The following SGIP1 variants were observed in gnomAD, a reference collection of about 807,000 sequenced individuals.
SGIP1 encodes SH3GL interacting endocytic adaptor 1.
In SGIP1, 38 loss-of-function variants were observed where a neutral mutation model predicts 107.5. The ratio of observed to expected loss-of-function variants is 0.35; its 90% CI spans 0.27 to 0.46. The LOEUF (loss-of-function observed/expected upper bound fraction) is 0.46, where lower values mean the gene tolerates loss of function less well. Among genes scored for constraint, SGIP1 ranks in the 20% least tolerant of loss-of-function variants. The probability of loss-of-function intolerance (pLI) is 1.00; values close to 1 mark genes in which losing one functional copy is unlikely to be tolerated. For synonymous variants in SGIP1, 365 were observed against 366.1 expected (o/e 1.00, Z 0.03); for missense variants, 929 against 1,019.5 (o/e 0.91, Z 1.21).
At chr1:66,653,958 G>A (rs904110767) in intron 7 of SGIP1, among the ~76,000 whole-genome samples, 1 of 152,164 alleles carries the variant, frequency 6.6e-6, no homozygotes, top group African/African-American at 2.4e-5. Flanking sequence ...ACAGTTTACT[G>A]AATGTTGGGT....
intron 18 of SGIP1, among the ~76,000 whole-genome samples, chr1:66,709,866 G>A (rs1049337384): frequency 6.6e-6 from 1 of 152,022 alleles, no homozygotes; most frequent in Non-Finnish European, 1.5e-5. Context: ...AGTTCTCATC[G>A]TAGCATTATT....
intron 8 of SGIP1, 88 bp from the exon 9 acceptor site, chr1:66,667,442 T>C: frequency 8.1e-7 from 1 of 1,241,860 alleles, no homozygotes; most frequent in Non-Finnish European, 1.2e-6. Context: ...GTTAGCTGCT[T>C]ATAAAGTCTT....
At chr1:66,649,167 C>G (rs2078235634) in intron 7 of SGIP1, among the ~76,000 whole-genome samples, 1 of 152,154 alleles carries the variant, frequency 6.6e-6, no homozygotes, top group South Asian at 2.1e-4. Context: ...TCTGTTAAAG[C>G]AGCTTGGAAT....
chr1:66,675,767 C>T (rs538333573), intron 12 of SGIP1, among the ~76,000 whole-genome samples: 1 of 151,880 alleles, frequency 6.6e-6, no homozygotes, highest in East Asian at 1.9e-4. Context: ...CTCCTGGACT[C>T]ATGTAATCCT....
At chr1:66,594,881 G>T (rs1002026433) in intron 1 of SGIP1, among the ~76,000 whole-genome samples, 8 of 152,106 alleles carry the variant, frequency 5.3e-5, no homozygotes, top group Non-Finnish European at 1.0e-4. Flanking sequence ...CACTCTGCTT[G>T]TCACTTTCTA....
intron 18 of SGIP1, among the ~76,000 whole-genome samples, chr1:66,702,192 C>G (rs1380086463): frequency 2.0e-5 from 3 of 152,166 alleles, no homozygotes; most frequent in Non-Finnish European, 4.4e-5. Context: ...TAAACAAAGG[C>G]TCTGAGCATT....
chr1:66,598,677 G>A (rs561859047), intron 1 of SGIP1, among the ~76,000 whole-genome samples: 21 of 152,258 alleles, frequency 1.4e-4, no homozygotes, highest in South Asian at 6.2e-4. Context: ...GAAAGGTGGC[G>A]CAGAGGTGCC....
chr1:66,690,100 C>T (rs2089491011), intron 16 of SGIP1, 90 bp from the exon 17 acceptor site: 1 of 1,461,314 alleles, frequency 6.8e-7, no homozygotes, highest in South Asian at 1.3e-5. Flanking sequence ...CCTAAGTTGT[C>T]ATATCTGGGG....
At chr1:66,730,376 CA>C (rs1237665031) in intron 20 of SGIP1, among the ~76,000 whole-genome samples, 1 of 152,086 alleles carries the variant, frequency 6.6e-6, no homozygotes, top group African/African-American at 2.4e-5. Flanking sequence ...TTAAAATGAT[CA>C]ATTATACAAG....
At chr1:66,647,065 T>TTG (rs1180672975) in intron 7 of SGIP1, among the ~76,000 whole-genome samples, 1 of 152,186 alleles carries the variant, frequency 6.6e-6, no homozygotes, top group Non-Finnish European at 1.5e-5. Context: ...GTTAAGCTGT[T>TTG]TTAACAGAGA....
chr1:66,649,486 T>C (rs2078303323), intron 7 of SGIP1, among the ~76,000 whole-genome samples: 1 of 152,150 alleles, frequency 6.6e-6, no homozygotes, highest in Admixed American at 6.6e-5. Flanking sequence ...GCCATGGTCA[T>C]CTCTTTCTGC....
chr1:66,549,356 C>T (rs2057043491), intron 1 of SGIP1, among the ~76,000 whole-genome samples: 2 of 152,114 alleles, frequency 1.3e-5, no homozygotes. Flanking sequence ...ATGAAACAGA[C>T]ATTGTGAAGC....
chr1:66,709,093 A>G (rs918128003), intron 18 of SGIP1, among the ~76,000 whole-genome samples: 2 of 152,124 alleles, frequency 1.3e-5, no homozygotes, highest in Non-Finnish European at 2.9e-5. Context: ...CATGTTTGTT[A>G]CATAGGTATA....
intron 12 of SGIP1, among the ~76,000 whole-genome samples, chr1:66,675,947 A>G (rs1037625118): frequency 6.6e-6 from 1 of 152,220 alleles, no homozygotes; most frequent in Non-Finnish European, 1.5e-5. Context: ...TGGACACCTC[A>G]TTAAACCACT....
intron 1 of SGIP1, among the ~76,000 whole-genome samples, chr1:66,548,680 G>T (rs932321869): frequency 1.3e-5 from 2 of 152,152 alleles, no homozygotes; most frequent in South Asian, 2.1e-4. Flanking sequence ...AGATCAGAAA[G>T]ATAGAAATAC....
chr1:66,540,373 C>CAGTA (rs1350236213), intron 1 of SGIP1, among the ~76,000 whole-genome samples: 6 of 152,166 alleles, frequency 3.9e-5, no homozygotes, highest in Non-Finnish European at 7.4e-5. Context: ...TCAGTTTTGT[C>CAGTA]AGTATGCTGG....
chr1:66,555,183 A>G (rs1465074674), intron 1 of SGIP1, among the ~76,000 whole-genome samples: 3 of 152,024 alleles, frequency 2.0e-5, no homozygotes, highest in African/African-American at 7.2e-5. Flanking sequence ...CCCAGGCTCT[A>G]CCCAACTTCC....
intron 19 of SGIP1, among the ~76,000 whole-genome samples, chr1:66,724,766 T>A (rs2093683366): frequency 1.3e-5 from 2 of 152,148 alleles, no homozygotes; most frequent in Admixed American, 1.3e-4. Context: ...AACAGAAACT[T>A]TATCTCCTAC....
intron 1 of SGIP1, among the ~76,000 whole-genome samples, chr1:66,572,035 A>G (rs994609570): frequency 1.3e-5 from 2 of 152,034 alleles, no homozygotes; most frequent in Non-Finnish European, 2.9e-5. Context: ...TATCAAGCCA[A>G]TGTCTCTCTG....
Sources: gnomAD v4.1 joint callset for allele counts (sites outside exome capture counted in the v4.1 genomes callset) on GRCh38, gnomAD v4.1.1 for gene constraint, MANE v1.5 for transcripts, NCBI Gene and HGNC (gene_info 2026-07-23, HGNC 2026-07-21) for gene names.